Variants in EFEMP1 observed in about 807,000 individuals in gnomAD.
EFEMP1 encodes the protein EGF-containing fibulin-like extracellular matrix protein 1.
In EFEMP1, 18 loss-of-function variants were observed where a neutral mutation model predicts 65.7. That is an observed-to-expected ratio of 0.27 (90% CI 0.19 to 0.41). EFEMP1 has a LOEUF of 0.41. Among genes scored for constraint, EFEMP1 ranks in the 10% least tolerant of loss-of-function variants. EFEMP1 has a pLI of 1.00. For missense variants in EFEMP1, 469 were observed against 624.8 expected, an observed-to-expected ratio of 0.75 and a Z score of 2.66; for synonymous variants, 237 against 219.7, an observed-to-expected ratio of 1.08 and a Z score of -0.70.
Position 55,917,637 on chromosome 2 carries a change from A to G in EFEMP1, c.517+28T>C. On this transcript the variant is annotated intron_variant, in intron 5 of 11. Coordinates refer to ENST00000355426, the MANE Select transcript of EFEMP1 (RefSeq NM_001039348.3). This position sits in a 1 kb window ranked among gnomAD's most constrained non-coding sequence, Gnocchi z 6.3. Reference sequence around the variant, plus strand: ...GAGGTGCACTTGGGCAAAAGCTTTCAATGGTTAGGAAAATAAGTTATTCCT... The same window carrying G: ...GAGGTGCACTTGGGCAAAAGCTTTCGATGGTTAGGAAAATAAGTTATTCCT... 1 of 1,614,030 alleles carries G rather than the reference A, an allele frequency of 6.2e-7. No homozygotes were observed.
At chr2:55,895,320 C>T (rs1411644613) in intron 5 of EFEMP1, among the ~76,000 whole-genome samples, 1 of 152,232 alleles carries the variant, frequency 6.6e-6, no homozygotes. Context: ...TTTCCTTGGG[C>T]TCCATCTCAT....
rs1668904449 is a variant in EFEMP1 at position 55,873,515 on chromosome 2, T to C, written c.1000+1431A>G. Reference sequence around the variant, plus strand: ...TTTTTGATCAGAAACACATAGATATTTGTTTGAAGGACTCCAGAGAAATTT... The same window carrying C: ...TTTTTGATCAGAAACACATAGATATCTGTTTGAAGGACTCCAGAGAAATTT... On this transcript the variant is annotated intron_variant, in intron 9 of 11. Transcript: ENST00000355426. The surrounding 1 kb of genome is among the most constrained non-coding windows in gnomAD (Gnocchi z 4.6). Among the ~76,000 whole-genome samples, 1 of 152,056 alleles carries C rather than the reference T, an allele frequency of 6.6e-6. No individual in the cohort carries two copies. The highest frequency in any genetic ancestry group is 1.5e-5 in the Non-Finnish European group (1 of 67,954).
chr2:55,916,241 T>C (rs72811717), intron 5 of EFEMP1, among the ~76,000 whole-genome samples: 1,989 of 152,120 alleles, frequency 0.013, 42 homozygotes, highest in African/African-American at 0.045. Context: ...TCTCTAGTAT[T>C]TGAGACTACA....
chr2:55,878,700 T>C (rs1669126904), intron 6 of EFEMP1, among the ~76,000 whole-genome samples: 1 of 151,200 alleles, frequency 6.6e-6, no homozygotes, highest in African/African-American at 2.4e-5. Flanking sequence ...CTGGGCTCTT[T>C]TGGTACTTTA....
At chr2:55,882,036 C>T (rs1017259131) in intron 5 of EFEMP1, among the ~76,000 whole-genome samples, 5 of 151,928 alleles carry the variant, frequency 3.3e-5, no homozygotes, top group Non-Finnish European at 7.4e-5. Flanking sequence ...CATCCCTTGA[C>T]CCATCAGCTA....
At position 55,877,090 on chromosome 2, in the gene EFEMP1, T is replaced by C. The variant is rs1485630109; in HGVS notation, c.761-348A>G. 6.6e-6 allele frequency among the ~76,000 whole-genome samples: 1 copy of C among 152,196 alleles called. No individual in the cohort carries two copies. The highest frequency in any genetic ancestry group is 2.4e-5 in the African/African-American group (1 of 41,456). Reference sequence around the variant, plus strand: ...TATCGATTTTCTTTTGTTGTTCAGATACAAAATGCCAATTCTATAAATAAT... The same window carrying C: ...TATCGATTTTCTTTTGTTGTTCAGACACAAAATGCCAATTCTATAAATAAT... On this transcript the variant is annotated intron_variant, in intron 7 of 11. Transcript: ENST00000355426. This position sits in a 1 kb window ranked among gnomAD's most constrained non-coding sequence, Gnocchi z 4.5.
At position 55,917,681 on chromosome 2, in the gene EFEMP1, T is replaced by C; in HGVS notation, c.501A>G (p.Glu167=). The change falls in exon 5 of 12, where the codon GAA becomes GAG. Residue 167 remains glutamate (E), a synonymous_variant. Coordinates refer to ENST00000355426, the MANE Select transcript of EFEMP1 (RefSeq NM_001039348.3). This position sits in a 1 kb window ranked among gnomAD's most constrained non-coding sequence, Gnocchi z 6.3. ...TATTCCTACCTTGGCACACGTTGTG[T>C]TCACTTTGCTCGTAGCCTGCTGCAC... ...IQCAAGYEQS[E]HNVCQDIDEC... 6.2e-7 allele frequency: 1 copy of C among 1,614,200 alleles called. No homozygotes were observed. Among genetic ancestry groups the C allele is most frequent in the Non-Finnish European group, 8.5e-7 (1 of 1,180,032 alleles).
intron 7 of EFEMP1, 110 bp from the exon 8 acceptor site, chr2:55,876,852 A>T (rs1020636732): frequency 1.9e-6 from 1 of 538,742 alleles, no homozygotes; most frequent in African/African-American, 2.0e-5. Context: ...TCATCTGCTG[A>T]CAAGTGAGTA....
At position 55,883,441 on chromosome 2, in the gene EFEMP1, A is replaced by G. The variant is rs1421813422; in HGVS notation, c.518-1707T>C. ...TTTACTGGGGTTTCTTCAGAGCTTT[A>G]TGACTCGTTAATGCAGAAATGACAG... On this transcript the variant is annotated intron_variant, in intron 5 of 11. Transcript: ENST00000355426. The surrounding 1 kb of genome is among the most constrained non-coding windows in gnomAD (Gnocchi z 4.5). 6.6e-6 allele frequency among the ~76,000 whole-genome samples: 1 copy of G among 152,168 alleles called. No individual in the cohort carries two copies. The highest frequency in any genetic ancestry group is 6.5e-5 in the Admixed American group (1 of 15,274).
intron 8 of EFEMP1, among the ~76,000 whole-genome samples, chr2:55,875,278 C>A (rs937646827): frequency 6.7e-6 from 1 of 148,524 alleles, no homozygotes. Flanking sequence ...GCTTCTTGTC[C>A]TATTCCTGCT....
At chr2:55,879,533 C>G (rs1669159755) in intron 6 of EFEMP1, among the ~76,000 whole-genome samples, 1 of 152,210 alleles carries the variant, frequency 6.6e-6, no homozygotes, top group Non-Finnish European at 1.5e-5. Flanking sequence ...AATAAACATT[C>G]ATTGAACCAT....
chr2:55,908,683 C>T (rs970446352), intron 5 of EFEMP1, among the ~76,000 whole-genome samples: 3 of 152,034 alleles, frequency 2.0e-5, no homozygotes, highest in Non-Finnish European at 4.4e-5. Context: ...CATCACATTG[C>T]ACCCCATAAA....
At position 55,886,988 on chromosome 2, in the gene EFEMP1, G is replaced by C. The variant is rs996963369; in HGVS notation, c.518-5254C>G. Among the ~76,000 whole-genome samples, 1 of 151,916 alleles carries C rather than the reference G, an allele frequency of 6.6e-6. No homozygotes were observed. Among genetic ancestry groups the C allele is most frequent in the Non-Finnish European group, 1.5e-5 (1 of 67,962 alleles). On this transcript the variant is annotated intron_variant, in intron 5 of 11. Coordinates refer to ENST00000355426, the MANE Select transcript of EFEMP1 (RefSeq NM_001039348.3). This position sits in a 1 kb window ranked among gnomAD's most constrained non-coding sequence, Gnocchi z 4.0. ...TTTATACAGATTCATATACAAACTT[G>C]GTAACATTCTAAAATTAATTGGTAT... is the stretch of plus-strand genomic sequence containing the variant.
intron 5 of EFEMP1, among the ~76,000 whole-genome samples, chr2:55,890,891 A>G (rs901660510): frequency 6.6e-6 from 1 of 152,120 alleles, no homozygotes; most frequent in African/African-American, 2.4e-5. Flanking sequence ...GATGAGATCT[A>G]TATCTGAGAT....
Position 55,910,684 on chromosome 2 carries a change from A to G in EFEMP1, c.517+6981T>C, listed in dbSNP as rs569535682. Among the ~76,000 whole-genome samples the G allele has an allele frequency of 3.3e-5, 5 of 152,316 alleles. No individual in the cohort carries two copies. The South Asian group carries it at 1.0e-3, about 32-fold the overall frequency. On this transcript the variant is annotated intron_variant, in intron 5 of 11. Coordinates refer to ENST00000355426, the MANE Select transcript of EFEMP1 (RefSeq NM_001039348.3). ...AGGAGGAAATTCATTCCACAGATTA[A>G]GTGTTAACTAGTCTTAAAAAGAATC...
intron 5 of EFEMP1, among the ~76,000 whole-genome samples, chr2:55,895,963 C>T (rs1669817530): frequency 6.6e-6 from 1 of 152,166 alleles, no homozygotes; most frequent in African/African-American, 2.4e-5. Context: ...GATGAAGCAC[C>T]TTGTCTGGCT....
At position 55,892,664 on chromosome 2, in the gene EFEMP1, G is replaced by A. The variant is rs536934824; in HGVS notation, c.518-10930C>T. Among the ~76,000 whole-genome samples, 3 of 152,244 alleles carry A rather than the reference G, an allele frequency of 2.0e-5. No homozygotes were observed. The South Asian group carries it at 6.2e-4, about 32-fold the overall frequency. ...AGAGTAGCTTAATGTCTGTTTGGCAGTGCAAATTCTGAAAAAGAAAATCTG... is the reference window on the plus strand; with the variant it reads ...AGAGTAGCTTAATGTCTGTTTGGCAATGCAAATTCTGAAAAAGAAAATCTG... On this transcript the variant is annotated intron_variant, in intron 5 of 11. Coordinates refer to ENST00000355426, the MANE Select transcript of EFEMP1 (RefSeq NM_001039348.3).
intron 5 of EFEMP1, among the ~76,000 whole-genome samples, chr2:55,892,935 T>C (rs1232543470): frequency 1.3e-5 from 2 of 152,190 alleles, no homozygotes; most frequent in Non-Finnish European, 2.9e-5. Context: ...CAAGTTTTCA[T>C]TTTGAAAGAA....
intron 11 of EFEMP1, among the ~76,000 whole-genome samples, chr2:55,868,231 G>T (rs9309272): frequency 0.088 from 13,443 of 152,210 alleles, 748 homozygotes; most frequent in Non-Finnish European, 0.12. Context: ...CACCTTGAAG[G>T]TGTTGATTGA....
Sources: gnomAD v4.1 joint callset for allele counts (sites outside exome capture counted in the v4.1 genomes callset) on GRCh38, gnomAD v4.1.1 for gene constraint, Gnocchi (gnomAD v3.1) non-coding constraint, MANE v1.5 for transcripts, NCBI Gene and HGNC (gene_info 2026-07-23, HGNC 2026-07-21) for gene names.